Variants in HMCN1 observed in about 807,000 individuals in gnomAD.
HMCN1 encodes hemicentin 1, also known as hemicentin-1.
HMCN1 carries 321 observed loss-of-function variants against 625.9 expected under a neutral mutation model. The ratio of observed to expected loss-of-function variants is 0.51; its 90% CI spans 0.47 to 0.56. HMCN1 has a LOEUF of 0.56. HMCN1 is among the 20% of genes least tolerant of loss of function. The pLI is 0.00. For synonymous variants in HMCN1, 2,425 were observed against 2,417.6 expected, an observed-to-expected ratio of 1.00 and a Z score of -0.09; for missense variants, 6,588 against 6,887.3, an observed-to-expected ratio of 0.96 and a Z score of 1.54.
intron 62 of HMCN1, 150 bp downstream of exon 62, chr1:186,088,426 TAG>T (rs1476111367): frequency 2.2e-6 from 3 of 1,384,926 alleles, no homozygotes; most frequent in Non-Finnish European, 3.0e-6. Flanking sequence ...ATTTACAAAA[TAG>T]ACTCATTGTA....
intron 4 of HMCN1, among the ~76,000 whole-genome samples, chr1:185,886,040 G>C (rs981911446): frequency 2.0e-5 from 3 of 152,050 alleles, no homozygotes; most frequent in Admixed American, 2.0e-4. Context: ...TTGTGTCCCT[G>C]ATATTCTGTC....
At chr1:185,843,687 C>T (rs1315989002) in intron 1 of HMCN1, among the ~76,000 whole-genome samples, 1 of 152,172 alleles carries the variant, frequency 6.6e-6, no homozygotes, top group Non-Finnish European at 1.5e-5. Flanking sequence ...GGAAAAGATG[C>T]TTACAGCTGG....
chr1:186,069,693 A>G lies in HMCN1; in HGVS notation c.7910A>G (p.Gln2637Arg), dbSNP rs760728428. ...GGRTLQILNA[Q>R]EDNAGRYSCV... ...AGAACTCTGCAGATCCTCAATGCAC[A>G]GGAGGACAATGCTGGAAGATACTCT... The change falls in exon 51 of 107, where the codon CAG (glutamine) becomes CGG (arginine). Residue 2637 changes from glutamine (Q) to arginine (R), a missense_variant. By Grantham distance (43) the Gln-to-Arg change is conservative (BLOSUM62 1). Coordinates refer to ENST00000271588, the MANE Select transcript of HMCN1 (RefSeq NM_031935.3). 2.5e-6 allele frequency: 4 copies of G among 1,613,060 alleles called. No homozygotes were observed. In the African/African-American group the frequency reaches 5.3e-5, roughly 22 times the overall value.
rs762465241 is a variant in HMCN1 at position 186,015,448 on chromosome 1, A to C, written c.4909+11A>C. 6.2e-5 allele frequency: 100 copies of C among 1,610,982 alleles called. 1 individual carries two copies. Among genetic ancestry groups the C allele is most frequent in the Admixed American group, 8.3e-5 (5 of 59,950 alleles). ...ATGTGGATGTCTATGGTGAGGAACA[A>C]CATATGCTTTAATTATATACCTTTC... On this transcript the variant is annotated intron_variant, in intron 31 of 106. Coordinates refer to ENST00000271588, the MANE Select transcript of HMCN1 (RefSeq NM_031935.3).
chr1:186,118,732 T>C (rs547350905), intron 77 of HMCN1, among the ~76,000 whole-genome samples: 1 of 152,304 alleles, frequency 6.6e-6, no homozygotes, highest in South Asian at 2.1e-4. Flanking sequence ...ATTATGCTCA[T>C]AGTGAAAGAA....
chr1:186,093,815 G>C, intron 66 of HMCN1, 146 bp downstream of exon 66: 1 of 1,051,302 alleles, frequency 9.5e-7, no homozygotes, highest in South Asian at 1.5e-5. Context: ...GTAGAGGAAG[G>C]ACAACAAATA....
chr1:186,129,758 C>T (rs987604378), intron 83 of HMCN1, among the ~76,000 whole-genome samples: 4 of 152,220 alleles, frequency 2.6e-5, no homozygotes, highest in African/African-American at 9.6e-5. Context: ...TTTCCTGTTC[C>T]TTCTGCTGTT....
intron 85 of HMCN1, 122 bp downstream of exon 85, chr1:186,130,819 A>G (rs1248485142): frequency 5.4e-6 from 5 of 923,610 alleles, no homozygotes; most frequent in Non-Finnish European, 8.6e-6. Context: ...TCTGAATCAA[A>G]TAACTCCTTT....
intron 4 of HMCN1, among the ~76,000 whole-genome samples, chr1:185,898,480 A>G (rs1304985683): frequency 6.6e-6 from 1 of 151,124 alleles, no homozygotes; most frequent in Non-Finnish European, 1.5e-5. Flanking sequence ...CTTTTTTTTT[A>G]ACTAGAAAGA....
At chr1:185,959,085 C>T (rs1018593437) in intron 11 of HMCN1, among the ~76,000 whole-genome samples, 1 of 152,122 alleles carries the variant, frequency 6.6e-6, no homozygotes, top group Non-Finnish European at 1.5e-5. Context: ...GAAATTTGCC[C>T]AAGTACTCTA....
At chr1:185,830,977 T>A (rs1441824082) in intron 1 of HMCN1, among the ~76,000 whole-genome samples, 1 of 152,198 alleles carries the variant, frequency 6.6e-6, no homozygotes, top group Non-Finnish European at 1.5e-5. Flanking sequence ...AAAGCCCTGA[T>A]GATTTTATAA....
At chr1:185,800,150 C>A (rs1658696964) in intron 1 of HMCN1, among the ~76,000 whole-genome samples, 1 of 152,212 alleles carries the variant, frequency 6.6e-6, no homozygotes, top group African/African-American at 2.4e-5. Context: ...CCACTTAGCT[C>A]ACATGCACTT....
At chr1:186,081,467 T>C (rs1659166977) in intron 56 of HMCN1, 73 bp downstream of exon 56, 7 of 1,052,314 alleles carry the variant, frequency 6.7e-6, no homozygotes, top group Non-Finnish European at 1.0e-5. Context: ...TTTTTGACTT[T>C]TAAAAATAAT....
intron 105 of HMCN1, among the ~76,000 whole-genome samples, chr1:186,185,798 C>T (rs1653263455): frequency 6.6e-6 from 1 of 152,188 alleles, no homozygotes; most frequent in Non-Finnish European, 1.5e-5. Flanking sequence ...TAACACTGTT[C>T]TCAGCACAGC....
At chr1:185,981,635 C>T (rs1651644722) in intron 17 of HMCN1, among the ~76,000 whole-genome samples, 1 of 152,088 alleles carries the variant, frequency 6.6e-6, no homozygotes, top group African/African-American at 2.4e-5. Flanking sequence ...TCTGTCAGTA[C>T]ATGTTTCTCA....
chr1:185,975,166 A>G (rs574767200), intron 15 of HMCN1, among the ~76,000 whole-genome samples: 182 of 152,334 alleles, frequency 1.2e-3, no homozygotes, highest in Non-Finnish European at 2.1e-3. Flanking sequence ...CATCTGCTTT[A>G]GAATAAATGA....
chr1:185,783,518 G>A (rs1657308003), intron 1 of HMCN1, among the ~76,000 whole-genome samples: 1 of 152,110 alleles, frequency 6.6e-6, no homozygotes, highest in Non-Finnish European at 1.5e-5. Context: ...TACGGATGGG[G>A]TTTTGGTGTG....
chr1:185,735,033 C>G lies in HMCN1; in HGVS notation c.254C>G (p.Pro85Arg), dbSNP rs776032407. The G allele has an allele frequency of 2.2e-5, 35 of 1,614,098 alleles. No individual in the cohort carries two copies. Among genetic ancestry groups the G allele is most frequent in the Middle Eastern group, 3.3e-4 (2 of 6,062 alleles). The change falls in exon 1 of 107, where the codon CCT (proline) becomes CGT (arginine). Residue 85 changes from proline to arginine, a missense_variant. Pro to Arg is a moderately radical substitution (Grantham distance 103). Transcript: ENST00000271588. ...KRPLFNFALV[P>R]FHDPEIGPVT... The stretch of plus-strand genomic sequence containing the variant: ...CCTCTTTTCAACTTTGCGTTGGTGC[C>G]TTTCCATGATCCAGGTAAGGGAAAT...
At chr1:185,875,185 T>C (rs1663853099) in intron 4 of HMCN1, among the ~76,000 whole-genome samples, 1 of 152,024 alleles carries the variant, frequency 6.6e-6, no homozygotes, top group African/African-American at 2.4e-5. Flanking sequence ...CACTGGATAG[T>C]ATGATTATGG....
Sources: gnomAD v4.1 joint callset for allele counts (sites outside exome capture counted in the v4.1 genomes callset) on GRCh38, gnomAD v4.1.1 for gene constraint, MANE v1.5 for transcripts, NCBI Gene and HGNC (gene_info 2026-07-23, HGNC 2026-07-21) for gene names.